SRGAP3: variants seen among roughly 807,000 people sequenced by gnomAD.
SRGAP3 encodes the protein SLIT-ROBO Rho GTPase-activating protein 3.
A neutral mutation model predicts 121.1 loss-of-function variants in SRGAP3; 39 were observed. That is an observed-to-expected ratio of 0.32 (90% CI 0.25 to 0.42). The LOEUF (loss-of-function observed/expected upper bound fraction) is 0.42, where lower values mean the gene tolerates loss of function less well. Among genes scored for constraint, SRGAP3 ranks in the 10% least tolerant of loss-of-function variants. The pLI is 1.00. For missense variants in SRGAP3, 1,213 were observed against 1,470.6 expected, an observed-to-expected ratio of 0.82 and a Z score of 2.86; for synonymous variants, 601 against 570.0, an observed-to-expected ratio of 1.05 and a Z score of -0.77.
chr3:9,035,098 T>C (rs1944683139), intron 11 of SRGAP3: 1 of 152,072 alleles, frequency 6.6e-6, no homozygotes, highest in African/African-American at 2.4e-5. Flanking sequence ...AAAATTCAGC[T>C]CTTCCTACTC....
chr3:9,227,329 T>C (rs1953024098), intron 1 of SRGAP3, among the ~76,000 whole-genome samples: 1 of 152,208 alleles, frequency 6.6e-6, no homozygotes, highest in African/African-American at 2.4e-5. Context: ...ATGTTGTAAA[T>C]TTCACTCTTG....
chr3:9,047,713 G>C (rs1173967650), intron 9 of SRGAP3, among the ~76,000 whole-genome samples: 1 of 152,204 alleles, frequency 6.6e-6, no homozygotes, highest in Non-Finnish European at 1.5e-5. Context: ...TCAGGTCGGG[G>C]GTTAGGAACA....
At chr3:9,087,017 T>C (rs1395948809) in intron 3 of SRGAP3, among the ~76,000 whole-genome samples, 4 of 150,642 alleles carry the variant, frequency 2.7e-5, no homozygotes, top group Non-Finnish European at 5.9e-5. Context: ...AGAGTAAATA[T>C]ACATATACGT....
intron 3 of SRGAP3, among the ~76,000 whole-genome samples, chr3:9,306,762 C>G (rs1431969237): frequency 6.6e-6 from 1 of 152,114 alleles, no homozygotes; most frequent in African/African-American, 2.4e-5. Context: ...GAGGTCCTCT[C>G]TTAAACCTGA....
intron 5 of SRGAP3, among the ~76,000 whole-genome samples, chr3:9,060,613 G>C (rs1196444940): frequency 6.6e-6 from 1 of 151,908 alleles, no homozygotes; most frequent in Non-Finnish European, 1.5e-5. Flanking sequence ...TGTTTTTCAA[G>C]TTTTTTAGAG....
intron 3 of SRGAP3, among the ~76,000 whole-genome samples, chr3:9,083,453 T>C (rs982195639): frequency 6.6e-6 from 1 of 152,250 alleles, no homozygotes; most frequent in Non-Finnish European, 1.5e-5. Context: ...TTGCATATCA[T>C]ATGTTCTCTC....
chr3:8,987,011 C>A (rs1448655954), intron 21 of SRGAP3, among the ~76,000 whole-genome samples: 1 of 152,214 alleles, frequency 6.6e-6, no homozygotes, highest in African/African-American at 2.4e-5. Flanking sequence ...GCCACAGGGC[C>A]CCGGACTTTT....
chr3:9,228,964 A>T (rs113612032), intron 1 of SRGAP3, among the ~76,000 whole-genome samples: 26 of 150,510 alleles, frequency 1.7e-4, no homozygotes, highest in African/African-American at 6.3e-4. Flanking sequence ...CGGGAGGCTG[A>T]GGCAGGAGAA....
chr3:9,219,126 T>C (rs1952721926), intron 1 of SRGAP3: 1 of 152,180 alleles, frequency 6.6e-6, no homozygotes, highest in African/African-American at 2.4e-5. Flanking sequence ...TGAACCATCA[T>C]GCCTGGCCAA....
At chr3:8,987,201 C>T (rs1167303646) in intron 21 of SRGAP3, among the ~76,000 whole-genome samples, 1 of 152,188 alleles carries the variant, frequency 6.6e-6, no homozygotes, top group East Asian at 1.9e-4. Flanking sequence ...ATCCTTCTAG[C>T]CCAAGAGCCC....
Position 9,256,475 on chromosome 3 carries a change from C to A in SRGAP3, n.442+69535G>T, listed in dbSNP as rs530441155. Among the ~76,000 whole-genome samples the A allele has an allele frequency of 1.8e-3, 277 of 152,112 alleles. 1 individual carries two copies. The highest frequency in any genetic ancestry group is 3.2e-3 in the Non-Finnish European group (217 of 67,986). On this transcript the variant is annotated intron_variant and non_coding_transcript_variant, in intron 3 of 3. Transcript: ENST00000490889. ...GTCTAGGTCCCTGATGGAGAGTTAG[C>A]TGGCCCTGTGGATATGCACCTAAAC...
At chr3:9,139,694 C>T (rs1949782433) in intron 1 of SRGAP3, among the ~76,000 whole-genome samples, 2 of 152,226 alleles carry the variant, frequency 1.3e-5, no homozygotes, top group South Asian at 4.1e-4. Flanking sequence ...GCTACAGCAG[C>T]TATCGGAAAC....
intron 1 of SRGAP3, among the ~76,000 whole-genome samples, chr3:9,172,871 G>C (rs1455597798): frequency 6.6e-6 from 1 of 152,234 alleles, no homozygotes; most frequent in Non-Finnish European, 1.5e-5. Flanking sequence ...CCTGGTGCGG[G>C]GCCATTGCAG....
intron 1 of SRGAP3, among the ~76,000 whole-genome samples, chr3:9,195,344 C>T (rs1474520235): frequency 6.6e-6 from 1 of 152,202 alleles, no homozygotes; most frequent in Non-Finnish European, 1.5e-5. Context: ...GTGACCACCA[C>T]AAGCTCGTAA....
intron 11 of SRGAP3, among the ~76,000 whole-genome samples, chr3:9,033,085 CA>C (rs1472277494): frequency 6.6e-6 from 1 of 152,194 alleles, no homozygotes. Flanking sequence ...GAGGGGGAAT[CA>C]GGGGAGAGAG....
chr3:9,219,244 T>C (rs1368942932), intron 1 of SRGAP3: 1 of 152,164 alleles, frequency 6.6e-6, no homozygotes, highest in South Asian at 2.1e-4. Flanking sequence ...CAAGAAAGAC[T>C]TTCCTAGCAA....
rs376599727 is a variant in SRGAP3 at position 9,042,385 on chromosome 3, T to A, written c.1409-4295A>T. On this transcript the variant is annotated intron_variant, in intron 10 of 21. Transcript: ENST00000383836. ...CAGCTCTCAACTCTGGAATCCCACC[T>A]AGCACTAACATTAAAAGACTTTTAG... Among the ~76,000 whole-genome samples the A allele has an allele frequency of 2.7e-5, 4 of 150,114 alleles. No homozygotes were observed. In the East Asian group the frequency reaches 7.8e-4, roughly 29 times the overall value.
chr3:9,323,852 A>G (rs961227297), intron 3 of SRGAP3, among the ~76,000 whole-genome samples: 8 of 150,692 alleles, frequency 5.3e-5, no homozygotes, highest in Non-Finnish European at 1.0e-4. Flanking sequence ...CATACCACTG[A>G]AAAAAAGGTT....
At position 8,990,712 on chromosome 3, in the gene SRGAP3, G is replaced by A. The variant is rs376480506; in HGVS notation, c.2686C>T (p.Pro896Ser). ...CCCCGGGTGAGGGGGATTTTGTGGG[G>A]GCTGCTGGGGCAGGCAGCAGCCCGG... is the stretch of plus-strand genomic sequence containing the variant. ...PPRAAACPSS[P>S]HKIPLTRGRI... Residue 896 changes from proline to serine, a missense_variant, in exon 21 of 22, where the codon CCC (proline) becomes TCC (serine). Pro to Ser is a moderately conservative substitution (Grantham distance 74). Coordinates refer to ENST00000383836, the MANE Select transcript of SRGAP3 (RefSeq NM_014850.4). 1.9e-6 allele frequency: 3 copies of A among 1,612,772 alleles called. No homozygotes were observed. The highest frequency in any genetic ancestry group is 2.7e-5 in the African/African-American group (2 of 75,052).
Sources: allele counts gnomAD v4.1 joint callset (sites outside exome capture counted in the v4.1 genomes callset), GRCh38; gene constraint gnomAD v4.1.1; transcripts MANE v1.5; gene names NCBI Gene and HGNC (gene_info 2026-07-23, HGNC 2026-07-21).